The following XYLT1 variants were observed in gnomAD, a reference collection of about 807,000 sequenced individuals.
The protein encoded by XYLT1 is xylosyltransferase 1.
XYLT1 carries 36 observed loss-of-function variants against 91.3 expected under a neutral mutation model. The observed-to-expected ratio is 0.39, with a 90% confidence interval of 0.30 to 0.52. XYLT1 has a LOEUF of 0.52. Among genes scored for constraint, XYLT1 ranks in the 20% least tolerant of loss-of-function variants. The pLI, the probability that XYLT1 is intolerant of heterozygous loss-of-function variation, is 0.68. For synonymous variants in XYLT1, 588 were observed against 532.0 expected (o/e 1.11, Z -1.45); for missense variants, 1,242 against 1,284.5 (o/e 0.97, Z 0.51).
chr16:17,138,464 A>T lies in XYLT1; in HGVS notation c.1655T>A (p.Ile552Asn). 1 of 1,614,140 alleles carries T rather than the reference A, an allele frequency of 6.2e-7. No individual in the cohort carries two copies. Among genetic ancestry groups the T allele is most frequent in the Non-Finnish European group, 8.5e-7 (1 of 1,180,008 alleles). Residue 552 changes from isoleucine to asparagine, a missense_variant, in exon 8 of 12, where the codon ATC becomes AAC. This residue lies in a region of XYLT1 where 294 missense variants were observed against 376.0 expected (regional missense o/e 0.78). Coordinates refer to ENST00000261381, the MANE Select transcript of XYLT1 (RefSeq NM_022166.4). ...GCCCAGCTTGCGATTCCAGTTGGTGATGCGCAGGTTGTTGTCCACCATGGT... is the reference window on the plus strand; with the variant it reads ...GCCCAGCTTGCGATTCCAGTTGGTGTTGCGCAGGTTGTTGTCCACCATGGT... ...CDTMVDNNLR[I>N]TNWNRKLGCK...
chr16:17,470,319 C>G, intron 1 of XYLT1, 115 bp downstream of exon 1: 1 of 1,160,448 alleles, frequency 8.6e-7, no homozygotes, highest in Non-Finnish European at 1.1e-6. Flanking sequence ...GATGTGGAGT[C>G]GGTAGGCTTG....
At chr16:17,422,070 C>T (rs558043996) in intron 1 of XYLT1, among the ~76,000 whole-genome samples, 1 of 152,144 alleles carries the variant, frequency 6.6e-6, no homozygotes, top group East Asian at 1.9e-4. Context: ...GGAAGCTCTG[C>T]CTCCCGGGTT....
chr16:17,243,922 G>A (rs2033391467), intron 3 of XYLT1, among the ~76,000 whole-genome samples: 1 of 152,110 alleles, frequency 6.6e-6, no homozygotes, highest in Admixed American at 6.5e-5. Context: ...CACCATGCTT[G>A]GCCACGGCAC....
chr16:17,441,690 G>A (rs917003477), intron 1 of XYLT1, among the ~76,000 whole-genome samples: 11 of 152,070 alleles, frequency 7.2e-5, no homozygotes, highest in African/African-American at 2.7e-4. Flanking sequence ...AGTAGCAATC[G>A]CAAGAACAGA....
rs1319545829 is a variant in XYLT1, at chr16:17,302,796, G to GA, written c.403-43299dup. Among the ~76,000 whole-genome samples, 8 of 150,820 alleles carry GA rather than the reference G, an allele frequency of 5.3e-5. 1 individual carries two copies. The highest frequency in any genetic ancestry group is 2.0e-4 in the African/African-American group (8 of 40,188). ...AACCACAGAACTTCAAAAGGTTCCA[G>GA]AAAAAAGCCACCACTGGCACAATAA... On this transcript the variant is annotated intron_variant, in intron 2 of 11. Coordinates refer to ENST00000261381, the MANE Select transcript of XYLT1 (RefSeq NM_022166.4).
intron 5 of XYLT1, among the ~76,000 whole-genome samples, chr16:17,182,354 G>A (rs1351830979): frequency 1.3e-5 from 2 of 152,188 alleles, no homozygotes; most frequent in Non-Finnish European, 2.9e-5. Flanking sequence ...CCACCTTCTT[G>A]CTCTGTCCTT....
chr16:17,315,136 A>G (rs915937216), intron 2 of XYLT1, among the ~76,000 whole-genome samples: 7 of 152,248 alleles, frequency 4.6e-5, no homozygotes, highest in African/African-American at 1.7e-4. Flanking sequence ...TTTAGAGACT[A>G]CAGAAAAAAG....
At chr16:17,138,791 G>C (rs768936847) in intron 7 of XYLT1, 1 of 399,312 alleles carries the variant, frequency 2.5e-6, no homozygotes, top group Non-Finnish European at 4.6e-6. Context: ...CTACCTGACT[G>C]TCAAGGGACT....
chr16:17,310,912 G>A (rs1408040124), intron 2 of XYLT1, among the ~76,000 whole-genome samples: 2 of 152,132 alleles, frequency 1.3e-5, no homozygotes, highest in Non-Finnish European at 2.9e-5. Context: ...GACAAAGAGG[G>A]TTTCTTTCAG....
intron 2 of XYLT1, among the ~76,000 whole-genome samples, chr16:17,294,266 C>T (rs1182404292): frequency 3.3e-5 from 5 of 152,072 alleles, no homozygotes; most frequent in Non-Finnish European, 4.4e-5. Context: ...CTGGGTACCG[C>T]GGACAGGTGG....
At chr16:17,416,001 T>C (rs143471636) in intron 1 of XYLT1, among the ~76,000 whole-genome samples, 1 of 152,316 alleles carries the variant, frequency 6.6e-6, no homozygotes, top group African/African-American at 2.4e-5. Flanking sequence ...AAAGTCAGTA[T>C]GGCAGTGACA....
chr16:17,443,098 C>T (rs59473259), intron 1 of XYLT1, among the ~76,000 whole-genome samples: 8,513 of 152,106 alleles, frequency 0.056, 329 homozygotes, highest in African/African-American at 0.097. Context: ...GTCTTAAATG[C>T]TTTTGTAAAA....
rs115665727 is a variant in XYLT1, at chr16:17,308,971, C to T, written c.402+49041G>A. ...CAAAAGATCAAAAGAGGAACGTAAA[C>T]GTGAGCAAAAGCAAAAAATAAAAAT... is the stretch of plus-strand genomic sequence containing the variant. On this transcript the variant is annotated intron_variant, in intron 2 of 11. Transcript: ENST00000261381. Among the ~76,000 whole-genome samples, 1,033 of 151,020 alleles carry T rather than the reference C, an allele frequency of 6.8e-3. 14 individuals are homozygous for T. The highest frequency in any genetic ancestry group is 0.024 in the African/African-American group (983 of 41,038).
chr16:17,163,511 G>A (rs1425415657), intron 5 of XYLT1, among the ~76,000 whole-genome samples: 1 of 152,202 alleles, frequency 6.6e-6, no homozygotes, highest in African/African-American at 2.4e-5. Flanking sequence ...GGCTCCCGGT[G>A]CCCACCTGGC....
chr16:17,346,008 G>A (rs966986025), intron 2 of XYLT1, among the ~76,000 whole-genome samples: 32 of 151,976 alleles, frequency 2.1e-4, no homozygotes, highest in African/African-American at 9.7e-5. Context: ...ACGGGGTCTC[G>A]CCATGTTGGT....
At chr16:17,317,463 T>C (rs1053717938) in intron 2 of XYLT1, among the ~76,000 whole-genome samples, 2 of 151,194 alleles carry the variant, frequency 1.3e-5, no homozygotes, top group African/African-American at 4.9e-5. Flanking sequence ...TAGTAACTCA[T>C]CACTACACAA....
chr16:17,301,071 C>T (rs901680486), intron 2 of XYLT1, among the ~76,000 whole-genome samples: 2 of 151,896 alleles, frequency 1.3e-5, no homozygotes, highest in Non-Finnish European at 2.9e-5. Context: ...TGACTGTCAC[C>T]CCCACCAAGC....
chr16:17,312,777 G>A lies in XYLT1; in HGVS notation c.402+45235C>T, dbSNP rs2034569690. On this transcript the variant is annotated intron_variant, in intron 2 of 11. Transcript: ENST00000261381. The surrounding 1 kb of genome is among the most constrained non-coding windows in gnomAD (Gnocchi z 4.4). ...GAATAAAGACAGAATAAAGTGACTTGTCCAAGGAGCTCGAATTCAGGGAAT... is the reference window on the plus strand; with the variant it reads ...GAATAAAGACAGAATAAAGTGACTTATCCAAGGAGCTCGAATTCAGGGAAT... Among the ~76,000 whole-genome samples, 1 of 152,240 alleles carries A rather than the reference G, an allele frequency of 6.6e-6. No homozygotes were observed. The highest frequency in any genetic ancestry group is 2.1e-4 in the South Asian group (1 of 4,828).
At chr16:17,188,069 C>T (rs2032226157) in intron 5 of XYLT1, among the ~76,000 whole-genome samples, 1 of 152,010 alleles carries the variant, frequency 6.6e-6, no homozygotes, top group Admixed American at 6.6e-5. Flanking sequence ...CTCTGAGTGA[C>T]TAAAAGACTT....
Sources: allele counts gnomAD v4.1 joint callset (sites outside exome capture counted in the v4.1 genomes callset), GRCh38; gene constraint gnomAD v4.1.1; regional missense constraint gnomAD v4.1.1; non-coding constraint Gnocchi (gnomAD v3.1); transcripts MANE v1.5; gene names NCBI Gene and HGNC (gene_info 2026-07-23, HGNC 2026-07-21).